The following DSCAML1 variants were observed in gnomAD, a reference collection of about 807,000 sequenced individuals.
The protein encoded by DSCAML1 is cell adhesion molecule DSCAML1.
DSCAML1 carries 38 observed loss-of-function variants against 200.5 expected under a neutral mutation model. That is an observed-to-expected ratio of 0.19 (90% CI 0.15 to 0.25). The LOEUF is 0.25. Ranked by LOEUF, DSCAML1 falls within the 10% of genes least tolerant of loss-of-function variation. DSCAML1 has a pLI of 1.00. For synonymous variants in DSCAML1, 1,215 were observed against 1,165.0 expected (o/e 1.04, Z -0.87); for missense variants, 2,223 against 2,858.8 (o/e 0.78, Z 5.07).
chr11:117,693,373 C>A (rs2053531665), intron 3 of DSCAML1, among the ~76,000 whole-genome samples: 2 of 152,182 alleles, frequency 1.3e-5, no homozygotes, highest in African/African-American at 4.8e-5. Flanking sequence ...TCTGGAGTCC[C>A]ACGTATCAGC....
At chr11:117,552,974 A>G (rs1009531365) in intron 3 of DSCAML1, among the ~76,000 whole-genome samples, 2 of 152,210 alleles carry the variant, frequency 1.3e-5, no homozygotes, top group African/African-American at 4.8e-5. Context: ...CTTGCTGTCT[A>G]TACAATATCT....
chr11:117,668,629 G>A (rs2053030578), intron 3 of DSCAML1: 1 of 152,252 alleles, frequency 6.6e-6, no homozygotes, highest in Non-Finnish European at 1.5e-5. Context: ...CAGGCAGAGA[G>A]AGCTTGCCCT....
chr11:117,579,055 T>C (rs1449897626), intron 3 of DSCAML1, among the ~76,000 whole-genome samples: 1 of 152,234 alleles, frequency 6.6e-6, no homozygotes, highest in African/African-American at 2.4e-5. Flanking sequence ...GCAAGTCTTG[T>C]TGGCTCTATC....
chr11:117,783,970 C>T (rs1274100886), intron 1 of DSCAML1, among the ~76,000 whole-genome samples: 1 of 152,224 alleles, frequency 6.6e-6, no homozygotes, highest in Non-Finnish European at 1.5e-5. Context: ...TGACAGCAGC[C>T]TTCCTGCACT....
intron 3 of DSCAML1, among the ~76,000 whole-genome samples, chr11:117,626,019 A>G (rs1478699226): frequency 6.6e-6 from 1 of 152,208 alleles, no homozygotes; most frequent in Non-Finnish European, 1.5e-5. Context: ...GGTAGGTTCT[A>G]TGGACACTTT....
chr11:117,766,358 G>A (rs2054898302), intron 3 of DSCAML1, among the ~76,000 whole-genome samples: 1 of 152,206 alleles, frequency 6.6e-6, no homozygotes, highest in African/African-American at 2.4e-5. Context: ...GCATGTTTGC[G>A]ATGAGATTGA....
chr11:117,569,251 T>A (rs2050807669), intron 3 of DSCAML1, among the ~76,000 whole-genome samples: 3 of 152,160 alleles, frequency 2.0e-5, no homozygotes, highest in Admixed American at 2.0e-4. Context: ...ACGTTAGACC[T>A]AAAACCATAA....
At chr11:117,694,985 T>C (rs2053562967) in intron 3 of DSCAML1, among the ~76,000 whole-genome samples, 1 of 152,186 alleles carries the variant, frequency 6.6e-6, no homozygotes, top group South Asian at 2.1e-4. Flanking sequence ...TTTAGGTGAC[T>C]GGAAGACAGG....
intron 3 of DSCAML1, among the ~76,000 whole-genome samples, chr11:117,756,568 G>C (rs753375539): frequency 3.9e-5 from 6 of 152,128 alleles, no homozygotes; most frequent in Admixed American, 3.3e-4. Flanking sequence ...AATTTTTGTA[G>C]CTCCTCAGAG....
chr11:117,815,802 A>G (rs1317857848), intron 1 of DSCAML1, among the ~76,000 whole-genome samples: 3 of 150,982 alleles, frequency 2.0e-5, no homozygotes, highest in Non-Finnish European at 3.0e-5. Flanking sequence ...AGGGAGACTC[A>G]GGGTCCCCTG....
At position 117,547,949 on chromosome 11, in the gene DSCAML1, C is replaced by A. The variant is rs530494548; in HGVS notation, c.512-15427G>T. Among the ~76,000 whole-genome samples the A allele has an allele frequency of 6.6e-5, 10 of 152,326 alleles. No homozygotes were observed. The South Asian group carries it at 2.1e-3, about 32-fold the overall frequency. ...CCTTCCCAGGGTTCATCCTGACCCA[C>A]CCCTTAGAGTCAGCTCACATCCCCT... On this transcript the variant is annotated intron_variant, in intron 3 of 32. Coordinates refer to ENST00000651296, the MANE Select transcript of DSCAML1 (RefSeq NM_020693.4).
intron 4 of DSCAML1, among the ~76,000 whole-genome samples, chr11:117,526,010 A>G (rs1196397923): frequency 6.6e-6 from 1 of 152,202 alleles, no homozygotes; most frequent in African/African-American, 2.4e-5. Flanking sequence ...TCCAAAACCA[A>G]GAGAAACCAG....
intron 7 of DSCAML1, among the ~76,000 whole-genome samples, chr11:117,517,534 C>T (rs1229379805): frequency 1.3e-5 from 2 of 152,218 alleles, no homozygotes; most frequent in African/African-American, 4.8e-5. Flanking sequence ...TGTCCCCCTT[C>T]CAATACAGAG....
intron 3 of DSCAML1, among the ~76,000 whole-genome samples, chr11:117,551,401 C>G (rs2050464087): frequency 6.6e-6 from 1 of 152,114 alleles, no homozygotes; most frequent in African/African-American, 2.4e-5. Flanking sequence ...AAAACTGAGG[C>G]TCAGAAAGGT....
chr11:117,476,815 A>C lies in DSCAML1; in HGVS notation c.2785+3628T>G, dbSNP rs367560504. On this transcript the variant is annotated intron_variant, in intron 14 of 32. Coordinates refer to ENST00000651296, the MANE Select transcript of DSCAML1 (RefSeq NM_020693.4). Reference sequence around the variant, plus strand: ...TAATTTCTCTTGGAAAATTAGCATGATGAGCAACATGGCAGAAATCCTGGC... The same window carrying C: ...TAATTTCTCTTGGAAAATTAGCATGCTGAGCAACATGGCAGAAATCCTGGC... Among the ~76,000 whole-genome samples, 24 of 152,312 alleles carry C rather than the reference A, an allele frequency of 1.6e-4. No individual in the cohort carries two copies. In the East Asian group the frequency reaches 4.4e-3, roughly 28 times the overall value.
chr11:117,440,445 C>T (rs965799294), intron 21 of DSCAML1, among the ~76,000 whole-genome samples: 1 of 151,710 alleles, frequency 6.6e-6, no homozygotes, highest in African/African-American at 2.4e-5. Context: ...GGGAATAGCA[C>T]TAAGCACAGA....
At chr11:117,515,610 CTTTTTT>C (rs56765238) in intron 8 of DSCAML1, among the ~76,000 whole-genome samples, 5 of 65,118 alleles carry the variant, frequency 7.7e-5, no homozygotes, top group Admixed American at 3.8e-4. Context: ...AGGGACGAAG[CTTTTTT>C]TTTTTTTTTT....
At chr11:117,664,894 G>A (rs1014365080) in intron 3 of DSCAML1, among the ~76,000 whole-genome samples, 6 of 152,156 alleles carry the variant, frequency 3.9e-5, no homozygotes, top group African/African-American at 9.7e-5. Context: ...TTTCACGGCC[G>A]CGTGTCTGCT....
At chr11:117,549,928 TTGTGAACA>T (rs1411685750) in intron 3 of DSCAML1, among the ~76,000 whole-genome samples, 3 of 152,320 alleles carry the variant, frequency 2.0e-5, no homozygotes, top group Non-Finnish European at 4.4e-5. Context: ...AACATTTGTG[TTGTGAACA>T]TGTGAACATA....
Sources: allele counts gnomAD v4.1 joint callset (sites outside exome capture counted in the v4.1 genomes callset), GRCh38; gene constraint gnomAD v4.1.1; transcripts MANE v1.5; gene names NCBI Gene and HGNC (gene_info 2026-07-23, HGNC 2026-07-21).